PRMT3: variants seen among roughly 807,000 people sequenced by gnomAD.
PRMT3 encodes the protein protein arginine methyltransferase 3.
In PRMT3, 62 loss-of-function variants were observed where a neutral mutation model predicts 71.9. That is an observed-to-expected ratio of 0.86 (90% CI 0.70 to 1.07). The LOEUF (loss-of-function observed/expected upper bound fraction) is 1.07, where lower values mean the gene tolerates loss of function less well. Ranked by LOEUF, PRMT3 falls within the 50% of genes least tolerant of loss-of-function variation. The pLI is 0.00. For synonymous variants in PRMT3, 213 were observed against 220.4 expected (o/e 0.97, Z 0.30); for missense variants, 663 against 643.0 (o/e 1.03, Z -0.34).
chr11:20,508,409 A>C lies in PRMT3; in HGVS notation c.1592A>C (p.Gln531Pro). 1 of 1,593,728 alleles carries C rather than the reference A, an allele frequency of 6.3e-7. No individual in the cohort carries two copies. Among genetic ancestry groups the C allele is most frequent in the Non-Finnish European group, 8.6e-7 (1 of 1,161,630 alleles). Residue 531 changes from glutamine to proline, a missense_variant, in exon 16 of 16, where the codon CAG (glutamine) becomes CCG (proline). Transcript: ENST00000331079. Reference sequence around the variant, plus strand: ...AATTCAACTCAAACTTATGGTCTCCAGTGAAACAGCCATAAAAGCACACTA... The same window carrying C: ...AATTCAACTCAAACTTATGGTCTCCCGTGAAACAGCCATAAAAGCACACTA... The part of the protein sequence containing the change: ...LNNSTQTYGL[Q>P]
At chr11:20,450,768 G>A (rs1164608725) in intron 10 of PRMT3, among the ~76,000 whole-genome samples, 1 of 152,110 alleles carries the variant, frequency 6.6e-6, no homozygotes, top group East Asian at 1.9e-4. Context: ...TTAATCTCTT[G>A]TGAAGATTAT....
At chr11:20,450,482 A>G (rs1481124739) in intron 10 of PRMT3, among the ~76,000 whole-genome samples, 2 of 152,182 alleles carry the variant, frequency 1.3e-5, no homozygotes, top group Non-Finnish European at 1.5e-5. Flanking sequence ...AGATAATATT[A>G]ATGGGGAACT....
chr11:20,479,572 T>A (rs1449729721), intron 13 of PRMT3, among the ~76,000 whole-genome samples: 1 of 152,168 alleles, frequency 6.6e-6, no homozygotes, highest in Non-Finnish European at 1.5e-5. Flanking sequence ...AGAAATGACA[T>A]AATATAGGGT....
chr11:20,422,354 T>C (rs1421023683), intron 9 of PRMT3, among the ~76,000 whole-genome samples: 1 of 152,238 alleles, frequency 6.6e-6, no homozygotes, highest in Non-Finnish European at 1.5e-5. Flanking sequence ...ACTGTCTGCA[T>C]TGTCTTTGTG....
At chr11:20,413,832 T>C (rs75832769) in intron 9 of PRMT3, among the ~76,000 whole-genome samples, 6,372 of 152,008 alleles carry the variant, frequency 0.042, 254 homozygotes, top group Admixed American at 0.12. Context: ...CATATTGGAG[T>C]TTTCTATAAC....
chr11:20,489,609 A>T (rs2133447463), intron 13 of PRMT3, among the ~76,000 whole-genome samples: 1 of 152,298 alleles, frequency 6.6e-6, no homozygotes, highest in South Asian at 2.1e-4. Context: ...TGTAATTGAA[A>T]ATAGTGGCAT....
At chr11:20,417,441 G>GTGATAAACACCTAAA in intron 9 of PRMT3, among the ~76,000 whole-genome samples, 1 of 152,118 alleles carries the variant, frequency 6.6e-6, no homozygotes, top group East Asian at 1.9e-4. Flanking sequence ...AACTTTAAAT[G>GTGATAAACACCTAAA]CACTCGATTA....
chr11:20,491,069 A>C (rs1851195104), intron 13 of PRMT3, among the ~76,000 whole-genome samples: 1 of 152,122 alleles, frequency 6.6e-6, no homozygotes, highest in Non-Finnish European at 1.5e-5. Flanking sequence ...TCCCTTCTTC[A>C]AATTGGATAA....
intron 8 of PRMT3, chr11:20,406,647 C>A (rs561345752): frequency 6.6e-6 from 1 of 152,256 alleles, no homozygotes; most frequent in South Asian, 2.1e-4. Context: ...GCTTTTAATT[C>A]TTTTGGGTAT....
At chr11:20,477,300 G>C (rs1309068497) in intron 13 of PRMT3, among the ~76,000 whole-genome samples, 1 of 152,188 alleles carries the variant, frequency 6.6e-6, no homozygotes, top group Non-Finnish European at 1.5e-5. Context: ...TCTTGGCCGG[G>C]TGTAGCAGCT....
At chr11:20,483,682 G>A (rs1851001054) in intron 13 of PRMT3, among the ~76,000 whole-genome samples, 1 of 152,130 alleles carries the variant, frequency 6.6e-6, no homozygotes, top group Non-Finnish European at 1.5e-5. Context: ...TCTAGCCCTA[G>A]AGACATTCAT....
intron 15 of PRMT3, among the ~76,000 whole-genome samples, chr11:20,504,701 TGTGTGTGAGAGA>T (rs938313207): frequency 1.3e-4 from 16 of 125,550 alleles, no homozygotes; most frequent in Non-Finnish European, 1.9e-4. Context: ...TGTGTGTGTG[TGTGTGTGAGAGA>T]GAGAGAGAGA....
chr11:20,492,069 A>G (rs1442641857), intron 13 of PRMT3, among the ~76,000 whole-genome samples: 2 of 152,226 alleles, frequency 1.3e-5, no homozygotes, highest in East Asian at 3.8e-4. Flanking sequence ...GGTAAGGGGC[A>G]TAGAAGTGAG....
In PRMT3 at chr11:20,408,013, C is replaced by G; in HGVS notation, c.874C>G (p.Gln292Glu). 6.3e-7 allele frequency: 1 copy of G among 1,583,046 alleles called. No individual in the cohort carries two copies. Among genetic ancestry groups the G allele is most frequent in the Non-Finnish European group, 8.7e-7 (1 of 1,153,116 alleles). Residue 292 changes from glutamine (Q) to glutamate (E), a missense_variant, in exon 9 of 16, where the codon CAG (glutamine) becomes GAG (glutamate). By Grantham distance (29) the Gln-to-Glu change is conservative. Coordinates refer to ENST00000331079, the MANE Select transcript of PRMT3 (RefSeq NM_005788.4). ...LGVDQSEILY[Q>E]AMDIIRLNKL... is the part of the protein sequence containing the mutation. ...AGTTGATCAATCTGAAATACTTTACCAGGCAATGGATATTATAAGGTACAT... is the reference window on the plus strand; with the variant it reads ...AGTTGATCAATCTGAAATACTTTACGAGGCAATGGATATTATAAGGTACAT...
At chr11:20,481,923 G>GGAAACATTACCATTATGAAAAAAT (rs139367409) in intron 13 of PRMT3, among the ~76,000 whole-genome samples, 1,630 of 151,636 alleles carry the variant, frequency 0.011, 35 homozygotes, top group African/African-American at 0.038. Context: ...TACTCTTTTT[G>GGAAACATTACCATTATGAAAAAAT]GAAACATTAC....
chr11:20,495,050 C>T (rs372712317), intron 15 of PRMT3, among the ~76,000 whole-genome samples: 13 of 151,468 alleles, frequency 8.6e-5, no homozygotes, highest in East Asian at 7.9e-4. Flanking sequence ...TTTTTTGAGA[C>T]GGAGTTCCAC....
chr11:20,428,889 G>A (rs886846685), intron 10 of PRMT3, among the ~76,000 whole-genome samples: 5 of 152,102 alleles, frequency 3.3e-5, no homozygotes, highest in Non-Finnish European at 5.9e-5. Context: ...ACTTCCCACC[G>A]AACAGGCATG....
At chr11:20,491,052 G>T (rs1285217021) in intron 13 of PRMT3, among the ~76,000 whole-genome samples, 1 of 151,980 alleles carries the variant, frequency 6.6e-6, no homozygotes, top group African/African-American at 2.4e-5. Context: ...TTTAATTGCT[G>T]TCTTTTTCCC....
chr11:20,424,254 A>G (rs574051726), intron 9 of PRMT3, among the ~76,000 whole-genome samples: 46 of 56,604 alleles, frequency 8.1e-4, no homozygotes, highest in African/African-American at 1.9e-3. Context: ...TTTAAAAAGA[A>G]TAAACTTTAA....
Sources: allele counts gnomAD v4.1 joint callset (sites outside exome capture counted in the v4.1 genomes callset), GRCh38; gene constraint gnomAD v4.1.1; transcripts MANE v1.5; gene names NCBI Gene and HGNC (gene_info 2026-07-23, HGNC 2026-07-21).